KAZN: variants seen among roughly 807,000 people sequenced by gnomAD.
KAZN encodes the protein kazrin, periplakin interacting protein.
In KAZN, 40 loss-of-function variants were observed where a neutral mutation model predicts 87.4. The observed-to-expected ratio is 0.46, with a 90% CI of 0.36 to 0.60. The LOEUF is 0.60. Ranked by LOEUF, KAZN falls within the 20% of genes least tolerant of loss-of-function variation. The pLI is 0.00. For missense variants in KAZN, 898 were observed against 1,073.9 expected, an observed-to-expected ratio of 0.84 and a Z score of 2.29; for synonymous variants, 466 against 458.3, an observed-to-expected ratio of 1.02 and a Z score of -0.22.
chr1:14,944,302 G>A (rs1212589995), intron 1 of KAZN, among the ~76,000 whole-genome samples: 1 of 151,272 alleles, frequency 6.6e-6, no homozygotes. Flanking sequence ...CTAAACTGCT[G>A]AAACTCTGTA....
intron 1 of KAZN, among the ~76,000 whole-genome samples, chr1:14,036,653 ACT>A (rs1179048039): frequency 6.6e-6 from 1 of 151,994 alleles, no homozygotes; most frequent in Non-Finnish European, 1.5e-5. Context: ...ACAGAGTGAG[ACT>A]CTGTCAAACA....
chr1:14,501,623 C>T (rs989219313), intron 2 of KAZN, among the ~76,000 whole-genome samples: 23 of 152,130 alleles, frequency 1.5e-4, no homozygotes, highest in Non-Finnish European at 2.5e-4. Context: ...GACTACAAAA[C>T]ATGTTGATGG....
intron 1 of KAZN, among the ~76,000 whole-genome samples, chr1:14,068,306 A>G (rs1252504464): frequency 2.6e-5 from 4 of 152,210 alleles, no homozygotes; most frequent in African/African-American, 9.7e-5. Flanking sequence ...CTCTTCATGT[A>G]CAAGCAAGTT....
At chr1:14,863,004 C>G (rs906737683) in intron 1 of KAZN, among the ~76,000 whole-genome samples, 4 of 152,186 alleles carry the variant, frequency 2.6e-5, no homozygotes, top group Admixed American at 2.0e-4. Context: ...GAGATTCGGT[C>G]TTAGGGCCAT....
intron 2 of KAZN, among the ~76,000 whole-genome samples, chr1:14,486,335 C>A (rs2486760): frequency 0.32 from 48,748 of 152,066 alleles, 8,096 homozygotes; most frequent in East Asian, 0.44. Flanking sequence ...CCAATGAGTA[C>A]TTCACAAATG....
At chr1:14,204,808 A>G (rs146179549) in intron 2 of KAZN, among the ~76,000 whole-genome samples, 3 of 152,358 alleles carry the variant, frequency 2.0e-5, no homozygotes, top group Non-Finnish European at 4.4e-5. Context: ...GATAGGTGAC[A>G]CCTAATTAGA....
intron 1 of KAZN, chr1:14,946,228 T>C (rs1340773365): frequency 6.6e-6 from 1 of 151,746 alleles, no homozygotes; most frequent in Non-Finnish European, 1.5e-5. Flanking sequence ...GCCCACTAGG[T>C]GTGTACCTTC....
At chr1:14,208,896 A>G (rs1178119206) in intron 2 of KAZN, among the ~76,000 whole-genome samples, 1 of 152,178 alleles carries the variant, frequency 6.6e-6, no homozygotes, top group Non-Finnish European at 1.5e-5. Context: ...CTCATGCCCC[A>G]CAACCCCCTT....
rs146418275 is a variant in KAZN at position 14,555,220 on chromosome 1, G to T, written c.250-43763G>T. 2.2e-3 allele frequency among the ~76,000 whole-genome samples: 341 copies of T among 152,314 alleles called. 1 individual carries two copies. Among genetic ancestry groups the T allele is most frequent in the African/African-American group, 7.5e-3 (313 of 41,582 alleles). Reference sequence around the variant, plus strand: ...TGCACTCCACAAAGTTTCATTTAAAGGAAATTTGTAGTTGCTTTATCCACA... The same window carrying T: ...TGCACTCCACAAAGTTTCATTTAAATGAAATTTGTAGTTGCTTTATCCACA... On this transcript the variant is annotated intron_variant, in intron 2 of 16. Coordinates refer to the KAZN transcript ENST00000636203.
At chr1:15,024,572 T>C (rs1191796502) in intron 2 of KAZN, among the ~76,000 whole-genome samples, 1 of 152,172 alleles carries the variant, frequency 6.6e-6, no homozygotes, top group African/African-American at 2.4e-5. Flanking sequence ...ACTCAGATGG[T>C]CCGAGGAGCC....
At chr1:15,046,700 G>A (rs974931314) in intron 4 of KAZN, among the ~76,000 whole-genome samples, 3 of 152,220 alleles carry the variant, frequency 2.0e-5, no homozygotes, top group African/African-American at 7.2e-5. Context: ...AGGTCTCCTT[G>A]TCCAATGCTG....
chr1:14,858,291 C>T (rs532252722), intron 1 of KAZN, among the ~76,000 whole-genome samples: 1 of 143,736 alleles, frequency 7.0e-6, no homozygotes, highest in Admixed American at 7.2e-5. Flanking sequence ...TGGCTCACCG[C>T]AACCTCCACC....
chr1:14,451,414 G>A (rs150670308), intron 2 of KAZN, among the ~76,000 whole-genome samples: 62 of 152,176 alleles, frequency 4.1e-4, no homozygotes, highest in African/African-American at 1.4e-3. Flanking sequence ...TACTTTCTGT[G>A]GGAGCACATG....
At chr1:14,298,249 G>T (rs1571249084) in intron 2 of KAZN, among the ~76,000 whole-genome samples, 2 of 152,072 alleles carry the variant, frequency 1.3e-5, no homozygotes, top group African/African-American at 4.8e-5. Context: ...TGGTTAAACT[G>T]GCTCTGTCTT....
At chr1:14,643,502 C>T (rs1452627873) in intron 1 of KAZN, among the ~76,000 whole-genome samples, 4 of 152,178 alleles carry the variant, frequency 2.6e-5, no homozygotes, top group Non-Finnish European at 5.9e-5. Context: ...GACATGATCT[C>T]GTTTTTTATG....
At chr1:14,080,875 C>G (rs543031066) in intron 1 of KAZN, among the ~76,000 whole-genome samples, 69 of 152,276 alleles carry the variant, frequency 4.5e-4, no homozygotes, top group African/African-American at 1.5e-3. Flanking sequence ...TTTCTAAGAC[C>G]TCAGCACTAA....
intron 1 of KAZN, among the ~76,000 whole-genome samples, chr1:14,939,552 G>C (rs1056910882): frequency 1.3e-5 from 2 of 152,220 alleles, no homozygotes; most frequent in Non-Finnish European, 2.9e-5. Context: ...GGGATTACAG[G>C]TGTGAGCCTC....
chr1:14,405,556 A>T (rs1398157745), intron 2 of KAZN, among the ~76,000 whole-genome samples: 1 of 151,448 alleles, frequency 6.6e-6, no homozygotes, highest in African/African-American at 2.4e-5. Flanking sequence ...CATTTGGGCA[A>T]GTTACTTACC....
At chr1:14,788,475 A>G (rs1247649348) in intron 1 of KAZN, among the ~76,000 whole-genome samples, 1 of 152,184 alleles carries the variant, frequency 6.6e-6, no homozygotes, top group African/African-American at 2.4e-5. Context: ...GGCAGCCTTC[A>G]AGAATAGTCT....
Sources: allele counts gnomAD v4.1 joint callset (sites outside exome capture counted in the v4.1 genomes callset), GRCh38; gene constraint gnomAD v4.1.1; transcripts MANE v1.5; gene names NCBI Gene and HGNC (gene_info 2026-07-23, HGNC 2026-07-21).